TJP1: variants seen among roughly 807,000 people sequenced by gnomAD.
The protein encoded by TJP1 is tight junction protein ZO-1.
TJP1 carries 43 observed loss-of-function variants against 194.2 expected under a neutral mutation model. The observed-to-expected ratio is 0.22, with a 90% CI of 0.17 to 0.29. The LOEUF is 0.29. Among genes scored for constraint, TJP1 ranks in the 10% least tolerant of loss-of-function variants. The pLI, the probability that TJP1 is intolerant of heterozygous loss-of-function variation, is 1.00. For missense variants in TJP1, 1,971 were observed against 2,185.7 expected, an observed-to-expected ratio of 0.90 and a Z score of 1.96; for synonymous variants, 801 against 779.0, an observed-to-expected ratio of 1.03 and a Z score of -0.47.
At chr15:29,743,845 A>G (rs960059158) in intron 8 of TJP1, among the ~76,000 whole-genome samples, 2 of 152,218 alleles carry the variant, frequency 1.3e-5, no homozygotes, top group African/African-American at 2.4e-5. Flanking sequence ...ATGCAAACAC[A>G]TTTAACCTCA....
chr15:29,819,198 ATT>A (rs1315710271), intron 1 of TJP1, among the ~76,000 whole-genome samples: 2 of 151,794 alleles, frequency 1.3e-5, no homozygotes, highest in South Asian at 4.2e-4. Flanking sequence ...ATTTCCTTTG[ATT>A]TTTTTTAGCC....
intron 1 of TJP1, among the ~76,000 whole-genome samples, chr15:29,959,107 A>G (rs1280939977): frequency 6.6e-6 from 1 of 151,368 alleles, no homozygotes; most frequent in African/African-American, 2.4e-5. Flanking sequence ...CTCCTGCCTC[A>G]GCCTCCCGGG....
At chr15:29,905,533 A>G (rs2053778992) in intron 2 of TJP1, among the ~76,000 whole-genome samples, 1 of 152,246 alleles carries the variant, frequency 6.6e-6, no homozygotes. Context: ...AGTCGAAAAC[A>G]TATGTTCACA....
At chr15:29,774,519 C>A (rs549132220) in intron 2 of TJP1, among the ~76,000 whole-genome samples, 23 of 152,128 alleles carry the variant, frequency 1.5e-4, no homozygotes, top group Admixed American at 1.2e-3. Flanking sequence ...TTAATAGATT[C>A]TATTATTCCG....
chr15:29,724,116 T>C (rs191161867), intron 18 of TJP1, among the ~76,000 whole-genome samples: 1 of 152,182 alleles, frequency 6.6e-6, no homozygotes, highest in East Asian at 1.9e-4. Flanking sequence ...GTCTTGGGAG[T>C]CAAGTTGCCT....
intron 1 of TJP1, among the ~76,000 whole-genome samples, chr15:29,960,628 C>A (rs1410877693): frequency 1.6e-5 from 2 of 127,746 alleles, no homozygotes; most frequent in East Asian, 2.4e-4. Context: ...GGAGTGAGAC[C>A]ATGTCTCAAA....
intron 2 of TJP1, among the ~76,000 whole-genome samples, chr15:29,906,429 T>C (rs1018041429): frequency 1.3e-5 from 2 of 149,050 alleles, no homozygotes; most frequent in African/African-American, 2.5e-5. Flanking sequence ...GATCGCACCA[T>C]TGCACTCCAG....
intron 1 of TJP1, among the ~76,000 whole-genome samples, chr15:29,801,258 A>C (rs2048761043): frequency 6.6e-6 from 1 of 152,180 alleles, no homozygotes; most frequent in Non-Finnish European, 1.5e-5. Context: ...ACCAAAAGAA[A>C]AAGAACAGCT....
In TJP1 at chr15:29,925,597, A is replaced by ATGT. The variant is rs1322436280; in HGVS notation, c.306+30634_306+30635insACA. Among the ~76,000 whole-genome samples, 7 of 152,166 alleles carry ATGT rather than the reference A, an allele frequency of 4.6e-5. No individual in the cohort carries two copies. In the East Asian group the frequency reaches 1.3e-3, roughly 29 times the overall value. ...GCTGGGACATTATTCTTAGAAATAC[A>ATGT]CAAATACACGCACCCTTTTTTCTAG... On this transcript the variant is annotated intron_variant, in intron 2 of 28. Transcript: ENST00000356107.
intron 8 of TJP1, among the ~76,000 whole-genome samples, chr15:29,748,770 C>T (rs923853353): frequency 2.6e-4 from 40 of 151,786 alleles, no homozygotes; most frequent in Non-Finnish European, 1.5e-4. Context: ...GATGGGGTTT[C>T]GCTATGTTGC....
chr15:29,893,595 G>A (rs1421994645), intron 2 of TJP1, among the ~76,000 whole-genome samples: 1 of 152,162 alleles, frequency 6.6e-6, no homozygotes, highest in Non-Finnish European at 1.5e-5. Flanking sequence ...ACAACCTCGA[G>A]TCAAGACCTT....
intron 1 of TJP1, among the ~76,000 whole-genome samples, chr15:29,807,173 G>A (rs953857699): frequency 2.6e-5 from 4 of 152,138 alleles, no homozygotes; most frequent in African/African-American, 9.7e-5. Flanking sequence ...GATATGATTA[G>A]GAAATATTAG....
chr15:29,767,860 CA>C (rs1566985666), intron 4 of TJP1, among the ~76,000 whole-genome samples: 1 of 152,112 alleles, frequency 6.6e-6, no homozygotes, highest in Non-Finnish European at 1.5e-5. Flanking sequence ...CCTGGATGAA[CA>C]AAACCCTTGT....
chr15:29,968,264 G>A (rs2056397582), intron 1 of TJP1: 1 of 985,048 alleles, frequency 1.0e-6, no homozygotes, highest in Admixed American at 6.1e-5. Flanking sequence ...AACGCACACC[G>A]TGATACCAAT....
At chr15:29,729,822 CAAAA>C (rs762817418) in intron 15 of TJP1, among the ~76,000 whole-genome samples, 1 of 82,248 alleles carries the variant, frequency 1.2e-5, no homozygotes. Flanking sequence ...GACTCTGTTT[CAAAA>C]AAAAAAAAAA....
chr15:29,968,776 G>A (rs1416731042), exon 1 of TJP1: 4 of 1,219,314 alleles, frequency 3.3e-6, no homozygotes, highest in Admixed American at 2.6e-5. Context: ...TCCCCGCTCC[G>A]CTCGCGGGCA....
At chr15:29,788,250 C>T (rs1335140314) in intron 2 of TJP1, among the ~76,000 whole-genome samples, 1 of 152,188 alleles carries the variant, frequency 6.6e-6, no homozygotes, top group Non-Finnish European at 1.5e-5. Flanking sequence ...TTTTCCCATT[C>T]TGTGGAATAT....
intron 24 of TJP1, among the ~76,000 whole-genome samples, chr15:29,710,000 G>A (rs762112033): frequency 6.6e-6 from 1 of 152,096 alleles, no homozygotes; most frequent in Non-Finnish European, 1.5e-5. Context: ...ACAAAAATTA[G>A]CCGGGCGTGG....
upstream of TJP1, chr15:29,824,073 C>A: frequency 1.4e-5 from 1 of 70,744 alleles, no homozygotes; most frequent in Non-Finnish European, 2.5e-5. Context: ...ACCAGCAAGA[C>A]TCTGTCTCAA....
Sources: gnomAD v4.1 joint callset for allele counts (sites outside exome capture counted in the v4.1 genomes callset) on GRCh38, gnomAD v4.1.1 for gene constraint, MANE v1.5 for transcripts, NCBI Gene and HGNC (gene_info 2026-07-23, HGNC 2026-07-21) for gene names.